Variants in JHY observed in about 807,000 individuals in gnomAD.
The protein encoded by JHY is junctional cadherin complex regulator.
JHY carries 69 observed loss-of-function variants against 78.0 expected under a neutral mutation model. That is an observed-to-expected ratio of 0.88 (90% CI 0.73 to 1.08). The LOEUF is 1.08. JHY is among the 50% of genes least tolerant of loss of function. JHY has a pLI of 0.00. For missense variants in JHY, 944 were observed against 927.8 expected (o/e 1.02, Z -0.23); for synonymous variants, 368 against 342.6 (o/e 1.07, Z -0.82).
chr11:122,946,158 A>G (rs1003758575), intron 5 of JHY, among the ~76,000 whole-genome samples: 17 of 152,174 alleles, frequency 1.1e-4, no homozygotes, highest in Non-Finnish European at 1.8e-4. Flanking sequence ...TGTTTATCTT[A>G]CCAATTCAAC....
chr11:122,948,664 A>G (rs962091360), intron 6 of JHY, among the ~76,000 whole-genome samples: 1 of 151,782 alleles, frequency 6.6e-6, no homozygotes, highest in Admixed American at 6.6e-5. Flanking sequence ...AATAATAATA[A>G]TGTAGGCATG....
rs571010985 is a variant in JHY, at chr11:122,883,924, C to T, written c.-90+952C>T. On this transcript the variant is annotated intron_variant, in intron 1 of 8. Coordinates refer to ENST00000227349, the MANE Select transcript of JHY (RefSeq NM_024806.4). The surrounding 1 kb of genome is among the most constrained non-coding windows in gnomAD (Gnocchi z 4.4). ...TCTAAGTTGCACTATAACGCTTAAGCTTGCTCTTCAGGATCTCAAATTCAG... is the reference window on the plus strand; with the variant it reads ...TCTAAGTTGCACTATAACGCTTAAGTTTGCTCTTCAGGATCTCAAATTCAG... 5.9e-5 allele frequency among the ~76,000 whole-genome samples: 9 copies of T among 152,318 alleles called. No individual in the cohort carries two copies. Among genetic ancestry groups the T allele is most frequent in the Non-Finnish European group, 1.3e-4 (9 of 68,022 alleles).
Position 122,919,170 on chromosome 11 carries a change from G to C in JHY, c.865-5727G>C, listed in dbSNP as rs373567243. ...AGTTCGGGACCAGCCTGGCTAACAGGGTGAAACCCCGTCTCTACTAAAATT... is the reference window on the plus strand; with the variant it reads ...AGTTCGGGACCAGCCTGGCTAACAGCGTGAAACCCCGTCTCTACTAAAATT... On this transcript the variant is annotated intron_variant, in intron 3 of 8. Transcript: ENST00000227349. Among the ~76,000 whole-genome samples, 276 of 151,816 alleles carry C rather than the reference G, an allele frequency of 1.8e-3. 2 individuals carry two copies. The highest frequency in any genetic ancestry group is 6.4e-3 in the African/African-American group (264 of 41,378).
intron 4 of JHY, among the ~76,000 whole-genome samples, chr11:122,930,356 A>C (rs1251038339): frequency 6.6e-6 from 1 of 152,232 alleles, no homozygotes; most frequent in Non-Finnish European, 1.5e-5. Flanking sequence ...CTGGGATTAC[A>C]GGCATGAGCC....
intron 3 of JHY, among the ~76,000 whole-genome samples, chr11:122,923,695 T>G (rs1863426120): frequency 6.8e-6 from 1 of 147,838 alleles, no homozygotes; most frequent in African/African-American, 2.6e-5. Context: ...GGGGAGCTTT[T>G]TATTTATTTA....
intron 2 of JHY, among the ~76,000 whole-genome samples, chr11:122,892,598 A>C (rs1481294999): frequency 6.6e-6 from 1 of 152,180 alleles, no homozygotes; most frequent in Non-Finnish European, 1.5e-5. Flanking sequence ...CTGGGATTAC[A>C]GGCATGAGCC....
At chr11:122,941,040 C>G (rs1863865914) in intron 5 of JHY, among the ~76,000 whole-genome samples, 1 of 152,144 alleles carries the variant, frequency 6.6e-6, no homozygotes, top group Non-Finnish European at 1.5e-5. Flanking sequence ...TCTTCGAGCA[C>G]TTCTTTGTTT....
At chr11:122,920,790 CGCTTCAACAATA>C (rs1484688213) in intron 3 of JHY, among the ~76,000 whole-genome samples, 1 of 152,202 alleles carries the variant, frequency 6.6e-6, no homozygotes, top group Non-Finnish European at 1.5e-5. Flanking sequence ...AGATTGCCTG[CGCTTCAACAATA>C]GCAGCCAAAT....
chr11:122,963,328 G>A lies in JHY; in HGVS notation c.*3883G>A, dbSNP rs7124683. On this transcript the variant is annotated 3_prime_UTR_variant, in exon 9 of 9. Transcript: ENST00000227349. The stretch of plus-strand genomic sequence containing the variant: ...CATTTCACAGGATTCTTACCCCCAA[G>A]GCAACTCTTTACTATCCAGTACATA... Among the ~76,000 whole-genome samples the A allele has an allele frequency of 0.47, 71,487 of 151,974 alleles. 17,766 individuals carry two copies. Among genetic ancestry groups the A allele is most frequent in the Non-Finnish European group, 0.56 (38,195 of 67,916 alleles).
chr11:122,894,043 A>C (rs1862682571), intron 2 of JHY, among the ~76,000 whole-genome samples: 1 of 152,162 alleles, frequency 6.6e-6, no homozygotes. Flanking sequence ...AAACTTGGCC[A>C]GGCGTGGTGG....
At chr11:122,894,619 G>C (rs571138186) in intron 2 of JHY, among the ~76,000 whole-genome samples, 1 of 152,172 alleles carries the variant, frequency 6.6e-6, no homozygotes, top group East Asian at 1.9e-4. Context: ...TGAGGTACTA[G>C]AATTTTACAT....
rs1367945416 is a variant in JHY, at chr11:122,961,448, C to G, written c.*2003C>G. Among the ~76,000 whole-genome samples the G allele has an allele frequency of 6.6e-6, 1 of 152,096 alleles. No individual in the cohort carries two copies. The highest frequency in any genetic ancestry group is 1.5e-5 in the Non-Finnish European group (1 of 68,026). On this transcript the variant is annotated 3_prime_UTR_variant, in exon 9 of 9. Coordinates refer to ENST00000227349, the MANE Select transcript of JHY (RefSeq NM_024806.4). The stretch of plus-strand genomic sequence containing the variant: ...TCAAGCGATTCTCCTGTCTCAGCCT[C>G]CCTTCAAGCAATTCTCCTGTCTCAG...
At chr11:122,884,012 A>T (rs1004734555) in intron 1 of JHY, among the ~76,000 whole-genome samples, 6 of 152,222 alleles carry the variant, frequency 3.9e-5, no homozygotes, top group African/African-American at 1.4e-4. Context: ...ATGTGTTAGT[A>T]TTTGATAGAT....
intron 4 of JHY, among the ~76,000 whole-genome samples, chr11:122,930,630 A>G (rs1271743377): frequency 1.3e-5 from 2 of 152,156 alleles, no homozygotes. Context: ...ACTTGAAGCC[A>G]AGTCATCTCT....
chr11:122,955,076 T>C (rs992765104), intron 6 of JHY, among the ~76,000 whole-genome samples: 2 of 152,178 alleles, frequency 1.3e-5, no homozygotes, highest in Admixed American at 1.3e-4. Flanking sequence ...AGGATGTGAG[T>C]TCCCTGTAAG....
At chr11:122,936,898 T>C (rs1357690532) in intron 5 of JHY, among the ~76,000 whole-genome samples, 1 of 152,224 alleles carries the variant, frequency 6.6e-6, no homozygotes, top group African/African-American at 2.4e-5. Context: ...TTTCCTCTTT[T>C]TGCATCCTCT....
intron 3 of JHY, among the ~76,000 whole-genome samples, chr11:122,904,931 C>A (rs1370645618): frequency 4.6e-5 from 7 of 152,120 alleles, no homozygotes. Context: ...ATGGAACATG[C>A]CCCAGCTCAC....
chr11:122,960,720 C>A lies in JHY; in HGVS notation c.*1275C>A. The A allele has an allele frequency of 2.3e-6, 1 of 434,134 alleles. No individual in the cohort carries two copies. The highest frequency in any genetic ancestry group is 2.0e-5 in the African/African-American group (1 of 49,194). The allele number at this position is 434,134 out of a possible 1,614,324, so 26.9% of individuals were successfully genotyped here. A position where few individuals can be genotyped will look rare whatever the true frequency, so the allele number is the denominator to read the frequency against. ...AGAATCTGCTTATCAACTCAATGAG[C>A]AAAACATTGCCCAACTAGAAGAGGT... On this transcript the variant is annotated 3_prime_UTR_variant, in exon 9 of 9. Coordinates refer to ENST00000227349, the MANE Select transcript of JHY (RefSeq NM_024806.4).
Position 122,927,945 on chromosome 11 carries a change from G to T in JHY, c.978+2935G>T, listed in dbSNP as rs557070586. On this transcript the variant is annotated intron_variant, in intron 4 of 8. Transcript: ENST00000227349. ...GGGGTTTCACCATGTTGGCCAGGCT[G>T]GTCTCGAACTCCTGACCTCAGGTGA... is the stretch of plus-strand genomic sequence containing the variant. 5.2e-4 allele frequency among the ~76,000 whole-genome samples: 79 copies of T among 152,080 alleles called. No individual in the cohort carries two copies. The Middle Eastern group carries it at 0.014, about 26-fold the overall frequency.
Sources: allele counts gnomAD v4.1 joint callset (sites outside exome capture counted in the v4.1 genomes callset), GRCh38; gene constraint gnomAD v4.1.1; non-coding constraint Gnocchi (gnomAD v3.1); transcripts MANE v1.5; gene names NCBI Gene and HGNC (gene_info 2026-07-23, HGNC 2026-07-21).